Variants in AGBL5 observed in about 807,000 individuals in gnomAD.
The protein encoded by AGBL5 is cytosolic carboxypeptidase-like protein 5.
In AGBL5, 51 loss-of-function variants were observed where a neutral mutation model predicts 88.0. The observed-to-expected ratio is 0.58, with a 90% CI of 0.46 to 0.73. AGBL5 has a LOEUF of 0.73. Ranked by LOEUF, AGBL5 falls within the 30% of genes least tolerant of loss-of-function variation. AGBL5 has a pLI of 0.00. For synonymous variants in AGBL5, 446 were observed against 438.8 expected (o/e 1.02, Z -0.21); for missense variants, 1,031 against 1,162.2 (o/e 0.89, Z 1.64).
At chr2:27,056,290 A>T in intron 7 of AGBL5, 152 bp downstream of exon 7, 1 of 750,846 alleles carries the variant, frequency 1.3e-6, no homozygotes, top group East Asian at 2.7e-5. Flanking sequence ...AGGGCCAAGA[A>T]GAGATGGCAC....
chr2:27,059,240 T>A lies in AGBL5; in HGVS notation c.1925T>A (p.Phe642Tyr), dbSNP rs1000541946. Reference sequence around the variant, plus strand: ...AACACCTTGAGTCGGGCACGAAGTTTTAGCACCGGCACAAGTGCCGGTGGT... The same window carrying A: ...AACACCTTGAGTCGGGCACGAAGTTATAGCACCGGCACAAGTGCCGGTGGT... ...SENTLSRARS[F>Y]STGTSAGGSS... is the part of the protein sequence containing the mutation. The change falls in exon 11 of 15, where the codon TTT becomes TAT. Residue 642 changes from phenylalanine (F) to tyrosine (Y), a missense_variant. Coordinates refer to ENST00000360131, the MANE Select transcript of AGBL5 (RefSeq NM_021831.6). The A allele has an allele frequency of 1.2e-6, 2 of 1,613,932 alleles. No homozygotes were observed. Among genetic ancestry groups the A allele is most frequent in the African/African-American group, 1.3e-5 (1 of 74,884 alleles).
rs766215295 is a variant in AGBL5 at position 27,057,440 on chromosome 2, T to A, written c.1671+2T>A. 1 of 1,603,262 alleles carries A rather than the reference T, an allele frequency of 6.2e-7. No homozygotes were observed. Among genetic ancestry groups the A allele is most frequent in the Non-Finnish European group, 8.5e-7 (1 of 1,173,314 alleles). On this transcript the variant is annotated splice_donor_variant, in intron 9 of 14. Coordinates refer to ENST00000360131, the MANE Select transcript of AGBL5 (RefSeq NM_021831.6). LOFTEE classifies it high-confidence loss of function. ...TACACTGTGGAACTATTTGAGCAGG[T>A]ATGAATACATGGTGTAAGTGGGAAA...
chr2:27,053,462 T>C lies in AGBL5; in HGVS notation c.276T>C (p.Ile92=), dbSNP rs1300897597. Reference sequence around the variant, plus strand: ...CAGGAAAACTCATCAAGATCAACATTATGAACATGAACAAGCAGAGCAAGC... The same window carrying C: ...CAGGAAAACTCATCAAGATCAACATCATGAACATGAACAAGCAGAGCAAGC... ...GMPGKLIKIN[I]MNMNKQSKLY... The change falls in exon 3 of 15, where the codon ATT becomes ATC. Residue 92 remains isoleucine, a synonymous_variant. Transcript: ENST00000360131. This position sits in a 1 kb window ranked among gnomAD's most constrained non-coding sequence, Gnocchi z 4.9. 1 of 1,613,966 alleles carries C rather than the reference T, an allele frequency of 6.2e-7. No homozygotes were observed. Among genetic ancestry groups the C allele is most frequent in the Non-Finnish European group, 8.5e-7 (1 of 1,180,008 alleles).
intron 11 of AGBL5, among the ~76,000 whole-genome samples, chr2:27,067,127 C>T (rs1416425056): frequency 6.6e-6 from 1 of 151,780 alleles, no homozygotes; most frequent in African/African-American, 2.4e-5. Flanking sequence ...GTGGCGGGCA[C>T]CTATAGTGCC....
chr2:27,055,575 C>A, intron 6 of AGBL5, 107 bp from the exon 7 acceptor site: 1 of 1,036,014 alleles, frequency 9.7e-7, no homozygotes, highest in Non-Finnish European at 1.4e-6. Flanking sequence ...TAGCTTCAGC[C>A]TCTCATTTGA....
chr2:27,069,807 A>G (rs1199298087), intron 14 of AGBL5, 101 bp downstream of exon 14: 11 of 1,503,962 alleles, frequency 7.3e-6, no homozygotes, highest in Non-Finnish European at 5.3e-6. Context: ...ACTCCTTTTG[A>G]GCACAAAGAC....
intron 7 of AGBL5, 42 bp from the exon 8 acceptor site, chr2:27,056,581 C>T (rs770414340): frequency 6.4e-7 from 1 of 1,551,370 alleles, no homozygotes; most frequent in Non-Finnish European, 8.8e-7. Context: ...CACCTTGTCC[C>T]TTCTGTCTCT....
At chr2:27,055,641 C>T (rs372287130) in intron 6 of AGBL5, 41 bp from the exon 7 acceptor site, 3 of 1,573,652 alleles carry the variant, frequency 1.9e-6, no homozygotes, top group African/African-American at 2.7e-5. Context: ...CTTCACTGGC[C>T]CAGTCCTCTA....
intron 11 of AGBL5, among the ~76,000 whole-genome samples, chr2:27,066,234 CAAAAA>C (rs5830033): frequency 1.2e-5 from 1 of 84,456 alleles, no homozygotes; most frequent in Non-Finnish European, 2.5e-5. Context: ...ACCCTGTCTC[CAAAAA>C]AAAAAAAAAA....
chr2:27,055,619 C>T, intron 6 of AGBL5, 63 bp from the exon 7 acceptor site: 1 of 1,457,580 alleles, frequency 6.9e-7, no homozygotes, highest in South Asian at 1.2e-5. Flanking sequence ...TTTTCATCTA[C>T]ACTAGTGTCT....
At chr2:27,051,203 A>C (rs527871643), upstream of AGBL5, among the ~76,000 whole-genome samples, 13 of 152,294 alleles carry the variant, frequency 8.5e-5, no homozygotes, top group South Asian at 2.5e-3. Flanking sequence ...GGAAAGAACT[A>C]AGCAGCAGGC....
At position 27,070,461 on chromosome 2, in the gene AGBL5, G is replaced by A. The variant is rs1372078327; in HGVS notation, c.*198G>A. 1.6e-5 allele frequency: 9 copies of A among 553,024 alleles called. No individual in the cohort carries two copies. Among genetic ancestry groups the A allele is most frequent in the South Asian group, 2.9e-5 (1 of 34,710 alleles). 34.3% of individuals were successfully genotyped at this position (553,024 alleles called of 1,614,324 possible). A position where few individuals can be genotyped will look rare whatever the true frequency, so the allele number is the denominator to read the frequency against. On this transcript the variant is annotated 3_prime_UTR_variant, in exon 15 of 15. Transcript: ENST00000360131. ...GACCTGCCACCCCTTCCCTCCCTCC[G>A]CAGCACAAGATTTTGGGACCACAAA...
At chr2:27,054,132 T>G in intron 4 of AGBL5, 73 bp downstream of exon 4, 1 of 1,497,304 alleles carries the variant, frequency 6.7e-7, no homozygotes, top group Non-Finnish European at 9.0e-7. Context: ...TGGAATTTGC[T>G]CTTAGAGCTC....
In AGBL5 at chr2:27,055,924, A is replaced by C. The variant is rs750002918; in HGVS notation, c.1151A>C (p.His384Pro). ...EAQCGHSADRHNAEAWKQTEP... is the reference protein window; with the variant it reads ...EAQCGHSADRPNAEAWKQTEP... ...CAGTGTGGGCACTCAGCTGACAGGC[A>C]TAACGCTGAAGCCTGGAAACAAACA... The change falls in exon 7 of 15, where the codon CAT (histidine) becomes CCT (proline). Residue 384 changes from histidine (H) to proline (P), a missense_variant. His to Pro is a moderately conservative substitution (Grantham distance 77). Coordinates refer to ENST00000360131, the MANE Select transcript of AGBL5 (RefSeq NM_021831.6). The C allele has an allele frequency of 4.3e-6, 7 of 1,614,114 alleles. No individual in the cohort carries two copies. Among genetic ancestry groups the C allele is most frequent in the Non-Finnish European group, 5.9e-6 (7 of 1,180,048 alleles).
chr2:27,060,676 G>A (rs1442107252), intron 11 of AGBL5, among the ~76,000 whole-genome samples: 2 of 152,200 alleles, frequency 1.3e-5, no homozygotes, highest in African/African-American at 4.8e-5. Context: ...CCATGGAGGA[G>A]AGGGCAATGG....
chr2:27,069,572 G>C lies in AGBL5; in HGVS notation c.2356-1G>C. On this transcript the variant is annotated splice_acceptor_variant, in intron 13 of 14. Coordinates refer to ENST00000360131, the MANE Select transcript of AGBL5 (RefSeq NM_021831.6). LOFTEE classifies it high-confidence loss of function. ...TCTTAGCGCAAACCCTGTCCACACA[G>C]GCTAGGCCCAGGTTGGGCCGGGGCT... 6.2e-7 allele frequency: 1 copy of C among 1,613,788 alleles called. No individual in the cohort carries two copies. The highest frequency in any genetic ancestry group is 8.5e-7 in the Non-Finnish European group (1 of 1,179,724).
At chr2:27,055,002 G>A in intron 5 of AGBL5, 73 bp from the exon 6 acceptor site, 1 of 1,537,244 alleles carries the variant, frequency 6.5e-7, no homozygotes, top group East Asian at 2.3e-5. Flanking sequence ...CCTCATCCAT[G>A]ACACCCCCCA....
intron 11 of AGBL5, among the ~76,000 whole-genome samples, chr2:27,066,040 C>A (rs1301735567): frequency 1.3e-5 from 2 of 152,016 alleles, no homozygotes. Flanking sequence ...AGGAGGATCG[C>A]TTGAGCCCAT....
upstream of AGBL5, chr2:27,051,113 T>TA (rs2148260439): frequency 6.6e-6 from 1 of 152,392 alleles, no homozygotes; most frequent in South Asian, 2.1e-4. Flanking sequence ...TGCCACTGTA[T>TA]TGTACTCTGC....
Sources: gnomAD v4.1 joint callset for allele counts (sites outside exome capture counted in the v4.1 genomes callset) on GRCh38, gnomAD v4.1.1 for gene constraint, Gnocchi (gnomAD v3.1) non-coding constraint, MANE v1.5 for transcripts, NCBI Gene and HGNC (gene_info 2026-07-23, HGNC 2026-07-21) for gene names.